CAB39L: variants seen among roughly 807,000 people sequenced by gnomAD.
CAB39L encodes calcium binding protein 39 like, also known as calcium-binding protein 39-like.
Under a neutral mutation model 39.1 loss-of-function variants are expected in CAB39L, and 23 were observed. That is an observed-to-expected ratio of 0.59 (90% CI 0.42 to 0.83). The LOEUF is 0.83. CAB39L is among the 40% of genes least tolerant of loss of function. The pLI, the probability that CAB39L is intolerant of heterozygous loss-of-function variation, is 0.00. For synonymous variants in CAB39L, 126 were observed against 137.2 expected, an observed-to-expected ratio of 0.92 and a Z score of 0.57; for missense variants, 366 against 391.9, an observed-to-expected ratio of 0.93 and a Z score of 0.56.
chr13:49,328,057 G>A (rs534085898), intron 10 of CAB39L, among the ~76,000 whole-genome samples: 4 of 152,286 alleles, frequency 2.6e-5, no homozygotes, highest in South Asian at 4.1e-4. Flanking sequence ...ACCTATCAAC[G>A]ACTTTAAGAG....
rs537470044 is a variant in CAB39L, at chr13:49,404,838, AAG to A, written c.-31-21899_-31-21898del. Among the ~76,000 whole-genome samples, 553 of 152,292 alleles carry A rather than the reference AAG, an allele frequency of 3.6e-3. 3 individuals are homozygous for A. The highest frequency in any genetic ancestry group is 0.012 in the African/African-American group (510 of 41,558). On this transcript the variant is annotated intron_variant, in intron 3 of 10. Coordinates refer to ENST00000409308, the MANE Select transcript of CAB39L (RefSeq NM_001079670.3). ...AAAGCAGAATTGATCAAGCAGCAGA[AAG>A]AATTAGTGAGCTTGAAGACAGACTA... is the stretch of plus-strand genomic sequence containing the variant.
At chr13:49,442,813 A>C (rs1267765430) in intron 1 of CAB39L, among the ~76,000 whole-genome samples, 37 of 149,274 alleles carry the variant, frequency 2.5e-4, no homozygotes, top group Non-Finnish European at 5.5e-4. Flanking sequence ...AAAAAAAAAA[A>C]AAAAAACATC....
At chr13:49,339,619 C>A (rs1325019780) in intron 9 of CAB39L, 58 bp downstream of exon 9, 3 of 1,445,966 alleles carry the variant, frequency 2.1e-6, no homozygotes, top group Non-Finnish European at 1.8e-6. Flanking sequence ...ATAGACCCGT[C>A]ATTTGCTAAT....
At chr13:49,421,423 G>A (rs1957169448) in intron 3 of CAB39L, among the ~76,000 whole-genome samples, 1 of 152,108 alleles carries the variant, frequency 6.6e-6, no homozygotes, top group African/African-American at 2.4e-5. Context: ...GGGGAACAAG[G>A]GGAAAGTTGG....
At chr13:49,405,174 G>A (rs1356249940) in intron 3 of CAB39L, among the ~76,000 whole-genome samples, 1 of 151,920 alleles carries the variant, frequency 6.6e-6, no homozygotes, top group Non-Finnish European at 1.5e-5. Flanking sequence ...GATCCTAAAA[G>A]CAGCAAGAGA....
chr13:49,363,952 A>C (rs1955701659), intron 5 of CAB39L, among the ~76,000 whole-genome samples: 1 of 152,186 alleles, frequency 6.6e-6, no homozygotes, highest in Non-Finnish European at 1.5e-5. Flanking sequence ...CATGGACTGA[A>C]AATAAAGACA....
intron 4 of CAB39L, among the ~76,000 whole-genome samples, chr13:49,377,829 A>G (rs1242369201): frequency 3.1e-5 from 3 of 95,768 alleles, no homozygotes; most frequent in African/African-American, 5.8e-5. Flanking sequence ...CTGGGATGTG[A>G]GGAGCCCCTC....
chr13:49,428,293 C>T (rs1348472257), intron 3 of CAB39L, among the ~76,000 whole-genome samples: 2 of 152,232 alleles, frequency 1.3e-5, no homozygotes, highest in Non-Finnish European at 2.9e-5. Context: ...CTACTGGCTA[C>T]TGGCTAGAGG....
chr13:49,393,049 G>T (rs766914738), intron 3 of CAB39L: 1 of 151,882 alleles, frequency 6.6e-6, no homozygotes, highest in South Asian at 2.1e-4. Context: ...TCACAATCAC[G>T]CTATCATTAC....
chr13:49,384,024 G>C (rs1956302584), intron 3 of CAB39L, among the ~76,000 whole-genome samples: 1 of 152,152 alleles, frequency 6.6e-6, no homozygotes, highest in Non-Finnish European at 1.5e-5. Context: ...AATAAAGTTT[G>C]CTACGTTGAC....
At chr13:49,341,002 T>C (rs896921412) in intron 8 of CAB39L, among the ~76,000 whole-genome samples, 1 of 152,244 alleles carries the variant, frequency 6.6e-6, no homozygotes, top group Non-Finnish European at 1.5e-5. Flanking sequence ...CAAACTGTCA[T>C]GTATTATACC....
chr13:49,355,252 T>C (rs1437933838), intron 6 of CAB39L, among the ~76,000 whole-genome samples: 1 of 151,712 alleles, frequency 6.6e-6, no homozygotes, highest in African/African-American at 2.4e-5. Flanking sequence ...TGTGGTGGCA[T>C]GCACTTGTAG....
At chr13:49,437,520 C>T (rs1479428560) in intron 1 of CAB39L, among the ~76,000 whole-genome samples, 3 of 152,128 alleles carry the variant, frequency 2.0e-5, no homozygotes, top group Admixed American at 6.5e-5. Flanking sequence ...TCTCACTTCT[C>T]TATCCAGGGT....
At chr13:49,338,757 T>C (rs1372181345) in intron 9 of CAB39L, among the ~76,000 whole-genome samples, 1 of 152,202 alleles carries the variant, frequency 6.6e-6, no homozygotes, top group Non-Finnish European at 1.5e-5. Flanking sequence ...AAAAAACATT[T>C]CTCTTCTAAT....
intron 3 of CAB39L, among the ~76,000 whole-genome samples, chr13:49,398,157 T>C (rs760367172): frequency 2.2e-4 from 33 of 152,220 alleles, no homozygotes; most frequent in Admixed American, 1.2e-3. Flanking sequence ...GCTGAGTAAT[T>C]TGATATAATC....
chr13:49,442,888 T>C (rs2138768892), intron 1 of CAB39L, among the ~76,000 whole-genome samples: 1 of 152,086 alleles, frequency 6.6e-6, no homozygotes, highest in East Asian at 1.9e-4. Context: ...TCATGTATTG[T>C]TGATTAGGTT....
At position 49,350,773 on chromosome 13, in the gene CAB39L, T is replaced by C. The variant is rs1955322560; in HGVS notation, c.535A>G (p.Ile179Val). ...FKYVELSTFD[I>V]ASDAFATFKD... ...AAAGTAGCAAAGGCATCTGAAGCAA[T>C]ATCAAATGTTGACAACTCCACGTAC... Residue 179 changes from isoleucine (I) to valine (V), a missense_variant, in exon 7 of 11, where the codon ATT becomes GTT. Physicochemically the swap from Ile to Val is conservative, Grantham distance 29. Transcript: ENST00000409308. 1 of 1,579,408 alleles carries C rather than the reference T, an allele frequency of 6.3e-7. No individual in the cohort carries two copies. The highest frequency in any genetic ancestry group is 8.6e-7 in the Non-Finnish European group (1 of 1,164,226).
At chr13:49,402,424 T>G (rs527864613) in intron 3 of CAB39L, among the ~76,000 whole-genome samples, 26 of 152,300 alleles carry the variant, frequency 1.7e-4, no homozygotes, top group South Asian at 4.1e-4. Context: ...TGGCTCTGTA[T>G]GAATGCTAGT....
chr13:49,399,335 T>C (rs1359204141), intron 3 of CAB39L, among the ~76,000 whole-genome samples: 1 of 152,064 alleles, frequency 6.6e-6, no homozygotes, highest in African/African-American at 2.4e-5. Context: ...TGAAAGCTCA[T>C]GAAAGCACCC....
Sources: gnomAD v4.1 joint callset for allele counts (sites outside exome capture counted in the v4.1 genomes callset) on GRCh38, gnomAD v4.1.1 for gene constraint, MANE v1.5 for transcripts, NCBI Gene and HGNC (gene_info 2026-07-23, HGNC 2026-07-21) for gene names.